The following VCF1 variants were observed in gnomAD, a reference collection of about 807,000 sequenced individuals.
VCF1 encodes the protein protein VCF1.
chr17:73,225,882 A>AATATATATAT, the VCF1 span, among the ~76,000 whole-genome samples: 4 of 74,710 alleles, frequency 5.4e-5, no homozygotes, highest in Non-Finnish European at 7.3e-5. Context: ...ATATATATAT[A>AATATATATAT]ATATATATAT....
chr17:73,208,634 A>G, the VCF1 span: 1 of 744,866 alleles, frequency 1.3e-6, no homozygotes, highest in Non-Finnish European at 2.3e-6. Context: ...AAATTTCACA[A>G]TACTTGTTGC....
chr17:73,213,830 C>A, the VCF1 span, among the ~76,000 whole-genome samples: 2 of 152,116 alleles, frequency 1.3e-5, no homozygotes, highest in East Asian at 3.9e-4. Context: ...AGTAGCCGGG[C>A]GTGGTGGCGC....
At chr17:73,225,899 A>ATATATATATATATATATT in the VCF1 span, among the ~76,000 whole-genome samples, 5 of 114,846 alleles carry the variant, frequency 4.4e-5, no homozygotes, top group African/African-American at 1.5e-4. Flanking sequence ...ATATATATAT[A>ATATATATATATATATATT]TTTTTTTTTT....
the VCF1 span, among the ~76,000 whole-genome samples, chr17:73,224,276 A>AAC: frequency 4.7e-3 from 706 of 151,170 alleles, 12 homozygotes; most frequent in African/African-American, 0.016. Context: ...AAAAAAAAAA[A>AAC]AAAAAAAAAC....
the VCF1 span, chr17:73,208,153 T>C: frequency 6.6e-7 from 1 of 1,521,102 alleles, no homozygotes; most frequent in Non-Finnish European, 8.8e-7. Context: ...CCGTGTCCTC[T>C]TCAAATCTGG....
At chr17:73,224,821 GCAGCA>G in the VCF1 span, among the ~76,000 whole-genome samples, 6,081 of 139,350 alleles carry the variant, frequency 0.044, 1,278 homozygotes, top group Middle Eastern at 0.071. Flanking sequence ...GAAGCACAGC[GCAGCA>G]CAGCACAGCA....
the VCF1 span, chr17:73,229,290 T>A: frequency 7.1e-6 from 7 of 985,312 alleles, no homozygotes; most frequent in African/African-American, 1.7e-5. Flanking sequence ...CCTTGAAACA[T>A]TCTTCTTTCA....
At chr17:73,208,170 A>G in the VCF1 span, 4 of 1,540,636 alleles carry the variant, frequency 2.6e-6, no homozygotes, top group Non-Finnish European at 3.5e-6. Flanking sequence ...CTGGACCGAC[A>G]GCAAAGTCCT....
chr17:73,215,252 C>T, the VCF1 span, among the ~76,000 whole-genome samples: 5 of 152,228 alleles, frequency 3.3e-5, no homozygotes, highest in East Asian at 9.6e-4. Context: ...AGAGAACTGC[C>T]ATGATACAAT....
chr17:73,227,492 A>G, the VCF1 span: 1 of 667,396 alleles, frequency 1.5e-6, no homozygotes, highest in Admixed American at 4.9e-5. Context: ...AGTAAAACTC[A>G]TTTCTAAAAA....
chr17:73,229,270 C>A, the VCF1 span: 1 of 985,432 alleles, frequency 1.0e-6, no homozygotes, highest in Non-Finnish European at 1.2e-6. Flanking sequence ...AGGCTCTTAG[C>A]AGATCTCATC....
At chr17:73,207,674 T>G in the VCF1 span, 8 of 1,294,696 alleles carry the variant, frequency 6.2e-6, no homozygotes, top group Non-Finnish European at 8.1e-6. Context: ...AGTTTGACAT[T>G]TTCTTGTTAA....
the VCF1 span, chr17:73,227,297 AAC>A: frequency 1.3e-6 from 2 of 1,503,536 alleles, no homozygotes; most frequent in Non-Finnish European, 1.8e-6. Flanking sequence ...AAAAAAAAAA[AAC>A]CCAAACAACC....
At chr17:73,227,774 A>G in the VCF1 span, 2 of 429,832 alleles carry the variant, frequency 4.7e-6, no homozygotes, top group South Asian at 1.9e-4. Flanking sequence ...GTATTATGAT[A>G]TAACAATTAC....
the VCF1 span, chr17:73,227,107 T>C: frequency 1.7e-6 from 2 of 1,193,912 alleles, no homozygotes; most frequent in Admixed American, 4.8e-5. Flanking sequence ...ACACAGCAGA[T>C]ACTAGGTTAT....
the VCF1 span, among the ~76,000 whole-genome samples, chr17:73,215,685 T>C: frequency 6.6e-6 from 1 of 152,228 alleles, no homozygotes; most frequent in African/African-American, 2.4e-5. Context: ...AATGTTTGTG[T>C]GCTTACTATG....
the VCF1 span, among the ~76,000 whole-genome samples, chr17:73,218,322 T>C: frequency 6.6e-6 from 1 of 152,240 alleles, no homozygotes; most frequent in Non-Finnish European, 1.5e-5. Flanking sequence ...AAAACCACTT[T>C]ATAAATAAGC....
the VCF1 span, among the ~76,000 whole-genome samples, chr17:73,216,061 T>C: frequency 0.033 from 4,970 of 152,210 alleles, 105 homozygotes; most frequent in Non-Finnish European, 0.052. Flanking sequence ...AGGTGGGTCC[T>C]GAGCATGGAA....
At chr17:73,224,830 C>G in the VCF1 span, among the ~76,000 whole-genome samples, 1 of 102,394 alleles carries the variant, frequency 9.8e-6, no homozygotes, top group East Asian at 3.2e-4. Flanking sequence ...CGCAGCACAG[C>G]ACAGCACAGC....
Sources: allele counts gnomAD v4.1 joint callset (sites outside exome capture counted in the v4.1 genomes callset), GRCh38; gene constraint gnomAD v4.1.1; transcripts MANE v1.5; gene names NCBI Gene and HGNC (gene_info 2026-07-23, HGNC 2026-07-21).